MDGA2: variants seen among roughly 807,000 people sequenced by gnomAD.
MDGA2 encodes MAM domain containing glycosylphosphatidylinositol anchor 2.
Under a neutral mutation model 117.8 loss-of-function variants are expected in MDGA2, and 40 were observed. The observed-to-expected ratio is 0.34, with a 90% confidence interval of 0.26 to 0.44. The LOEUF is 0.44. MDGA2 is among the 20% of genes least tolerant of loss of function. The probability of loss-of-function intolerance (pLI) is 1.00; values close to 1 mark genes in which losing one functional copy is unlikely to be tolerated. For synonymous variants in MDGA2, 452 were observed against 439.0 expected, an observed-to-expected ratio of 1.03 and a Z score of -0.37; for missense variants, 1,123 against 1,250.6, an observed-to-expected ratio of 0.90 and a Z score of 1.54.
chr14:47,360,271 A>G (rs555997610), intron 1 of MDGA2, among the ~76,000 whole-genome samples: 1 of 152,108 alleles, frequency 6.6e-6, no homozygotes, highest in East Asian at 1.9e-4. Context: ...GAATTGCTTC[A>G]ACCTGGGAGG....
At chr14:47,306,842 G>GGAGAGAGAGAGAGAGAGAGA (rs10629208) in intron 1 of MDGA2, among the ~76,000 whole-genome samples, 2 of 146,598 alleles carry the variant, frequency 1.4e-5, no homozygotes, top group African/African-American at 5.1e-5. Context: ...AGAGAAAGAG[G>GGAGAGAGAGAGAGAGAGAGA]GAGAGAGAGA....
At chr14:47,559,961 T>C (rs1895764415) in intron 1 of MDGA2, among the ~76,000 whole-genome samples, 1 of 152,220 alleles carries the variant, frequency 6.6e-6, no homozygotes, top group Non-Finnish European at 1.5e-5. Flanking sequence ...CTAAGTTCTT[T>C]GAAAAATCGC....
At chr14:47,087,407 C>T (rs543731751) in intron 6 of MDGA2, among the ~76,000 whole-genome samples, 15 of 137,054 alleles carry the variant, frequency 1.1e-4, no homozygotes, top group South Asian at 2.3e-4. Flanking sequence ...ATCCCAGCTA[C>T]TCTGAAGGTT....
chr14:47,547,454 T>G (rs1426184181), intron 1 of MDGA2, among the ~76,000 whole-genome samples: 1 of 152,190 alleles, frequency 6.6e-6, no homozygotes, highest in Non-Finnish European at 1.5e-5. Flanking sequence ...TCTTCCTGTT[T>G]TCCTTTCCTA....
At chr14:46,859,119 G>A (rs1881404298) in intron 14 of MDGA2, among the ~76,000 whole-genome samples, 1 of 152,098 alleles carries the variant, frequency 6.6e-6, no homozygotes, top group Non-Finnish European at 1.5e-5. Flanking sequence ...ATTTAGTTTA[G>A]GCTGTTTTGG....
intron 1 of MDGA2, among the ~76,000 whole-genome samples, chr14:47,369,375 C>A (rs1891296680): frequency 6.6e-6 from 1 of 152,040 alleles, no homozygotes; most frequent in African/African-American, 2.4e-5. Flanking sequence ...TCTCTGAAAA[C>A]TTCCTTAAAA....
intron 10 of MDGA2, among the ~76,000 whole-genome samples, chr14:46,918,974 G>A (rs1189400947): frequency 1.3e-5 from 2 of 151,974 alleles, no homozygotes; most frequent in African/African-American, 2.4e-5. Context: ...GTGTTAGCCA[G>A]GATGGTCTCA....
At chr14:47,016,943 AT>A (rs34919255) in intron 8 of MDGA2, among the ~76,000 whole-genome samples, 2 of 151,380 alleles carry the variant, frequency 1.3e-5, no homozygotes, top group African/African-American at 4.9e-5. Context: ...CATTTTTATT[AT>A]TTTTTTCCAT....
At chr14:47,164,099 T>C (rs948733007) in intron 3 of MDGA2, among the ~76,000 whole-genome samples, 36 of 152,230 alleles carry the variant, frequency 2.4e-4, no homozygotes, top group African/African-American at 8.2e-4. Context: ...AGTAAGTTAG[T>C]TGATTAATTT....
chr14:47,177,564 A>G (rs1259417818), intron 3 of MDGA2, among the ~76,000 whole-genome samples: 1 of 152,036 alleles, frequency 6.6e-6, no homozygotes, highest in African/African-American at 2.4e-5. Flanking sequence ...AAAATCAAAC[A>G]CCGCATGTTC....
intron 1 of MDGA2, among the ~76,000 whole-genome samples, chr14:47,351,477 A>G (rs1330543133): frequency 6.6e-6 from 1 of 152,068 alleles, no homozygotes; most frequent in Non-Finnish European, 1.5e-5. Context: ...CCTTTAGCAA[A>G]CTGTAAACTC....
intron 1 of MDGA2, among the ~76,000 whole-genome samples, chr14:47,396,579 A>C (rs1184907096): frequency 6.6e-6 from 1 of 152,230 alleles, no homozygotes; most frequent in Non-Finnish European, 1.5e-5. Flanking sequence ...AAATTTTTGC[A>C]ATCTATCCAT....
intron 1 of MDGA2, among the ~76,000 whole-genome samples, chr14:47,598,907 G>A (rs975968182): frequency 7.2e-5 from 11 of 152,050 alleles, no homozygotes; most frequent in African/African-American, 2.7e-4. Context: ...TTTCTCCACA[G>A]AAACAATAAT....
intron 1 of MDGA2, among the ~76,000 whole-genome samples, chr14:47,499,180 T>C (rs1306156989): frequency 1.3e-5 from 2 of 152,128 alleles, no homozygotes; most frequent in African/African-American, 2.4e-5. Flanking sequence ...TAATATAATA[T>C]AATGGAACAA....
At chr14:47,467,590 A>G (rs1415108559) in intron 1 of MDGA2, among the ~76,000 whole-genome samples, 1 of 152,114 alleles carries the variant, frequency 6.6e-6, no homozygotes, top group Non-Finnish European at 1.5e-5. Context: ...TAGTGGGTAC[A>G]TTGAAAGTCT....
intron 8 of MDGA2, among the ~76,000 whole-genome samples, chr14:46,965,763 T>C (rs549271148): frequency 4.2e-4 from 64 of 152,280 alleles, no homozygotes; most frequent in African/African-American, 1.4e-3. Context: ...GAAAGAAATC[T>C]TCAGGTGTTA....
intron 2 of MDGA2, among the ~76,000 whole-genome samples, chr14:47,298,840 A>G (rs930043092): frequency 4.0e-5 from 6 of 151,854 alleles, no homozygotes; most frequent in Non-Finnish European, 8.8e-5. Flanking sequence ...ACCCGCGACC[A>G]CGTCCGGCTA....
chr14:46,992,967 A>C lies in MDGA2; in HGVS notation c.1820-35324T>G, dbSNP rs936309601. Among the ~76,000 whole-genome samples, 7 of 152,260 alleles carry C rather than the reference A, an allele frequency of 4.6e-5. No individual in the cohort carries two copies. In the East Asian group the frequency reaches 1.2e-3, roughly 25 times the overall value. ...GAGTGATGTGAAAACATTTTCAACC[A>C]AAAGTACTGAAATTGTATACTTCAT... On this transcript the variant is annotated intron_variant, in intron 8 of 16. Coordinates refer to ENST00000399232, the MANE Select transcript of MDGA2 (RefSeq NM_001113498.3).
intron 3 of MDGA2, among the ~76,000 whole-genome samples, chr14:47,166,342 C>T (rs940229001): frequency 1.3e-5 from 2 of 152,084 alleles, no homozygotes; most frequent in African/African-American, 4.8e-5. Flanking sequence ...CCACTGTTTA[C>T]TATTTTAACC....
Sources: allele counts gnomAD v4.1 joint callset (sites outside exome capture counted in the v4.1 genomes callset), GRCh38; gene constraint gnomAD v4.1.1; transcripts MANE v1.5; gene names NCBI Gene and HGNC (gene_info 2026-07-23, HGNC 2026-07-21).